The following MTSS1 variants were observed in gnomAD, a reference collection of about 807,000 sequenced individuals.
MTSS1 encodes protein MTSS 1.
MTSS1 carries 18 observed loss-of-function variants against 79.0 expected under a neutral mutation model. The observed-to-expected ratio is 0.23, with a 90% confidence interval of 0.16 to 0.34. MTSS1 has a LOEUF of 0.34. Ranked by LOEUF, MTSS1 falls within the 10% of genes least tolerant of loss-of-function variation. MTSS1 has a pLI of 1.00. For missense variants in MTSS1, 815 were observed against 986.2 expected (o/e 0.83, Z 2.33); for synonymous variants, 341 against 368.6 (o/e 0.93, Z 0.86).
rs1834013879 is a variant in MTSS1 at position 124,728,182 on chromosome 8, A to T, written c.-227T>A. Reference sequence around the variant, plus strand: ...CTCTGTAGGGTATTCGCCTACAAGCAGCGCTCGGCTCCTGGCCTTAAAAAT... The same window carrying T: ...CTCTGTAGGGTATTCGCCTACAAGCTGCGCTCGGCTCCTGGCCTTAAAAAT... On this transcript the variant is annotated 5_prime_UTR_variant, in exon 1 of 14. Coordinates refer to ENST00000518547, the MANE Select transcript of MTSS1 (RefSeq NM_014751.6). This position sits in a 1 kb window ranked among gnomAD's most constrained non-coding sequence, Gnocchi z 6.1. 4 of 410,344 alleles carry T rather than the reference A, an allele frequency of 9.7e-6. No individual in the cohort carries two copies. In the South Asian group the frequency reaches 1.8e-4, roughly 19 times the overall value. 25.4% of individuals were successfully genotyped at this position (410,344 alleles called of 1,614,324 possible).
At chr8:124,615,431 G>A (rs1055618604) in intron 3 of MTSS1, among the ~76,000 whole-genome samples, 1 of 152,184 alleles carries the variant, frequency 6.6e-6, no homozygotes, top group African/African-American at 2.4e-5. Flanking sequence ...CACTGGATGA[G>A]CTCTGAGGAC....
chr8:124,629,522 A>AAAAG (rs1815463785), intron 3 of MTSS1, among the ~76,000 whole-genome samples: 2 of 144,542 alleles, frequency 1.4e-5, no homozygotes, highest in Admixed American at 6.9e-5. Flanking sequence ...AAAAAAAAAA[A>AAAAG]AAAAGAAAAG....
chr8:124,571,335 G>C (rs1368296254), intron 6 of MTSS1, among the ~76,000 whole-genome samples: 2 of 152,184 alleles, frequency 1.3e-5, no homozygotes, highest in African/African-American at 4.8e-5. Context: ...AATTAATCCA[G>C]ATATACTTAA....
rs5894719 is a variant in MTSS1, at chr8:124,660,432, GCACACACACACACA to G, written c.208+39080_208+39093del. On this transcript the variant is annotated intron_variant, in intron 3 of 13. Transcript: ENST00000518547. ...TATTTAGAAAGTTGCCCATGCGCAT[GCACACACACACACA>G]CACACACACACACACACACACACAC... Among the ~76,000 whole-genome samples, 16 of 140,796 alleles carry G rather than the reference GCACACACACACACA, an allele frequency of 1.1e-4. No individual in the cohort carries two copies. In the East Asian group the frequency reaches 1.3e-3, roughly 11 times the overall value. The allele number at this position is 140,796 out of a possible 152,430, so 92.4% of individuals were successfully genotyped here. A position where few individuals can be genotyped will look rare whatever the true frequency, so the allele number is the denominator to read the frequency against.
Position 124,606,171 on chromosome 8 carries a change from G to GTT in MTSS1, c.209-14938_209-14937dup, listed in dbSNP as rs11351219. 8.7e-4 allele frequency among the ~76,000 whole-genome samples: 77 copies of GTT among 88,882 alleles called. 1 individual carries two copies. Among genetic ancestry groups the GTT allele is most frequent in the African/African-American group, 2.6e-3 (59 of 22,680 alleles). 58.3% of individuals were successfully genotyped at this position (88,882 alleles called of 152,430 possible). A position where few individuals can be genotyped will look rare whatever the true frequency, so the allele number is the denominator to read the frequency against. ...TTGTGTTTTCTGTGTTTGGTTTTTT[G>GTT]TTTTTTTTTTTTTTTTTTGAGATAG... On this transcript the variant is annotated intron_variant, in intron 3 of 13. Coordinates refer to ENST00000518547, the MANE Select transcript of MTSS1 (RefSeq NM_014751.6).
At chr8:124,663,438 CG>C (rs1273950993) in intron 3 of MTSS1, among the ~76,000 whole-genome samples, 4 of 152,102 alleles carry the variant, frequency 2.6e-5, no homozygotes, top group Non-Finnish European at 5.9e-5. Flanking sequence ...TTCCTCAAAT[CG>C]GAAGCCTCTG....
In MTSS1 at chr8:124,606,164, G is replaced by GT. The variant is rs199611609; in HGVS notation, c.209-14930dup. On this transcript the variant is annotated intron_variant, in intron 3 of 13. Transcript: ENST00000518547. ...CTAATTTTTGTGTTTTCTGTGTTTG[G>GT]TTTTTTGTTTTTTTTTTTTTTTTTT... Among the ~76,000 whole-genome samples, 153 of 105,996 alleles carry GT rather than the reference G, an allele frequency of 1.4e-3. 2 individuals carry two copies. The highest frequency in any genetic ancestry group is 2.1e-3 in the African/African-American group (47 of 22,662). The allele number at this position is 105,996 out of a possible 152,430, so 69.5% of individuals were successfully genotyped here. A position where few individuals can be genotyped will look rare whatever the true frequency, so the allele number is the denominator to read the frequency against.
At chr8:124,576,957 C>A (rs1326721131) in intron 6 of MTSS1, among the ~76,000 whole-genome samples, 2 of 152,242 alleles carry the variant, frequency 1.3e-5, no homozygotes, top group Non-Finnish European at 1.5e-5. Context: ...TACCCTGCCC[C>A]TGAATGCAGC....
intron 10 of MTSS1, among the ~76,000 whole-genome samples, chr8:124,558,395 G>A (rs143121597): frequency 1.2e-4 from 19 of 152,084 alleles, no homozygotes; most frequent in Non-Finnish European, 2.2e-4. Context: ...CTCATCCAAC[G>A]GTCTGGTGGG....
At chr8:124,575,115 G>C (rs1283325841) in intron 6 of MTSS1, among the ~76,000 whole-genome samples, 1 of 152,144 alleles carries the variant, frequency 6.6e-6, no homozygotes, top group Non-Finnish European at 1.5e-5. Flanking sequence ...TGACACTGGA[G>C]ATTAGAATTT....
chr8:124,670,972 T>C (rs1349183655), intron 3 of MTSS1, among the ~76,000 whole-genome samples: 1 of 152,064 alleles, frequency 6.6e-6, no homozygotes, highest in Non-Finnish European at 1.5e-5. Flanking sequence ...GCATCCTTAA[T>C]TTTCCATAGT....
At chr8:124,580,629 G>A (rs1027405355) in intron 6 of MTSS1, 1 of 1,504,564 alleles carries the variant, frequency 6.6e-7, no homozygotes, top group Non-Finnish European at 8.9e-7. Context: ...AAATAATAAA[G>A]TCAAACTGGT....
chr8:124,643,559 G>T (rs1032192414), intron 3 of MTSS1, among the ~76,000 whole-genome samples: 1 of 151,952 alleles, frequency 6.6e-6, no homozygotes. Context: ...TTAGCCAGGC[G>T]TGGTGGCACA....
intron 3 of MTSS1, among the ~76,000 whole-genome samples, chr8:124,651,036 G>A (rs1819866948): frequency 6.6e-6 from 1 of 152,144 alleles, no homozygotes; most frequent in South Asian, 2.1e-4. Flanking sequence ...AGTGTGCTTG[G>A]CACAAAGCAA....
intron 6 of MTSS1, among the ~76,000 whole-genome samples, chr8:124,569,087 T>C (rs539052770): frequency 6.6e-6 from 1 of 152,288 alleles, no homozygotes; most frequent in East Asian, 1.9e-4. Context: ...CCTTTGACTC[T>C]CTAGTGGAGA....
At chr8:124,620,458 C>T (rs1039728642) in intron 3 of MTSS1, among the ~76,000 whole-genome samples, 1 of 152,212 alleles carries the variant, frequency 6.6e-6, no homozygotes, top group Non-Finnish European at 1.5e-5. Context: ...GGCTCTACAA[C>T]TCCCAAGGGT....
chr8:124,727,726 C>T lies in MTSS1; in HGVS notation c.72+158G>A, dbSNP rs1833943647. 7.2e-6 allele frequency: 5 copies of T among 690,482 alleles called. No individual in the cohort carries two copies. In the South Asian group the frequency reaches 8.2e-5, roughly 11 times the overall value. The allele number at this position is 690,482 out of a possible 1,614,324, so 42.8% of individuals were successfully genotyped here. ...ACCCCGCAGAGCCCGGAGCAGCGCC[C>T]CGGGTGAGCAGGTGACACTCCGGCC... On this transcript the variant is annotated intron_variant, in intron 1 of 13. Transcript: ENST00000518547. This position sits in a 1 kb window ranked among gnomAD's most constrained non-coding sequence, Gnocchi z 4.7.
At chr8:124,653,012 C>T (rs1820285610) in intron 3 of MTSS1, among the ~76,000 whole-genome samples, 2 of 152,360 alleles carry the variant, frequency 1.3e-5, no homozygotes, top group South Asian at 4.1e-4. Flanking sequence ...AGTTATCTGT[C>T]TATTGCAGCG....
chr8:124,586,400 T>G (rs1315048868), intron 5 of MTSS1, among the ~76,000 whole-genome samples: 4 of 152,204 alleles, frequency 2.6e-5, no homozygotes, highest in Non-Finnish European at 4.4e-5. Context: ...GATGAAACCA[T>G]GTACACCTAC....
Sources: allele counts gnomAD v4.1 joint callset (sites outside exome capture counted in the v4.1 genomes callset), GRCh38; gene constraint gnomAD v4.1.1; non-coding constraint Gnocchi (gnomAD v3.1); transcripts MANE v1.5; gene names NCBI Gene and HGNC (gene_info 2026-07-23, HGNC 2026-07-21).